The following CR1 variants were observed in gnomAD, a reference collection of about 807,000 sequenced individuals.
The protein encoded by CR1 is complement C3b/C4b receptor 1 (Knops blood group), also known as complement receptor type 1.
In CR1, 116 loss-of-function variants were observed where a neutral mutation model predicts 187.3. That is an observed-to-expected ratio of 0.62 (90% CI 0.53 to 0.72). CR1 has a LOEUF of 0.72. CR1 is among the 30% of genes least tolerant of loss of function. CR1 has a pLI of 0.00. For synonymous variants in CR1, 576 were observed against 747.1 expected (o/e 0.77, Z 3.73); for missense variants, 1,731 against 2,110.7 (o/e 0.82, Z 3.52).
chr1:207,630,626 CTA>C lies in CR1; in HGVS notation c.7457+10_7457+11del, dbSNP rs756680947. The C allele has an allele frequency of 6.4e-7, 1 of 1,558,150 alleles. No homozygotes were observed. Among genetic ancestry groups the C allele is most frequent in the Non-Finnish European group, 8.7e-7 (1 of 1,151,010 alleles). On this transcript the variant is annotated splice_donor_region_variant and intron_variant, in intron 46 of 46. Coordinates refer to ENST00000367049, the MANE Select transcript of CR1 (RefSeq NM_000651.6). ...AACAAATGAAGAAAATAGCAGGTAC[CTA>C]TATACATACTGAATTCAAAATGTTT... is the stretch of plus-strand genomic sequence containing the variant.
chr1:207,633,400 A>G (rs1410482702), intron 46 of CR1, among the ~76,000 whole-genome samples: 1 of 152,234 alleles, frequency 6.6e-6, no homozygotes, highest in Non-Finnish European at 1.5e-5. Context: ...ACATTTGCAT[A>G]TACACCTTGA....
intron 5 of CR1, among the ~76,000 whole-genome samples, chr1:207,524,678 G>A (rs190637433): frequency 7.9e-5 from 12 of 152,026 alleles, no homozygotes; most frequent in Admixed American, 7.2e-4. Context: ...ATGAGCCACC[G>A]TGCCCGGCCT....
intron 43 of CR1, among the ~76,000 whole-genome samples, chr1:207,620,286 A>T (rs1662276999): frequency 6.6e-6 from 1 of 152,142 alleles, no homozygotes; most frequent in South Asian, 2.1e-4. Context: ...TTTTGTCTAT[A>T]TCACTTTGTG....
chr1:207,612,580 C>T (rs1346455292), intron 39 of CR1, among the ~76,000 whole-genome samples: 2 of 152,230 alleles, frequency 1.3e-5, no homozygotes, highest in Non-Finnish European at 2.9e-5. Flanking sequence ...GACTTCTGGA[C>T]AGCAATGCCC....
chr1:207,577,875 C>T lies in CR1; in HGVS notation c.4608C>T (p.His1536=). The change falls in exon 29 of 47, where the codon CAC becomes CAT. Residue 1536 remains histidine (H), a synonymous_variant. Coordinates refer to ENST00000367049, the MANE Select transcript of CR1 (RefSeq NM_000651.6). ...DFISTNRENF[H]YGSVVTYRCN... is the part of the protein sequence containing the mutation. Reference sequence around the variant, plus strand: ...TTAGCACCAACAGAGAGAATTTTCACTATGGATCAGTGGTGACCTACCGCT... The same window carrying T: ...TTAGCACCAACAGAGAGAATTTTCATTATGGATCAGTGGTGACCTACCGCT... 1 of 1,613,750 alleles carries T rather than the reference C, an allele frequency of 6.2e-7. No homozygotes were observed. Among genetic ancestry groups the T allele is most frequent in the Non-Finnish European group, 8.5e-7 (1 of 1,179,854 alleles).
chr1:207,581,800 T>C (rs1010246730), intron 31 of CR1, 118 bp from the exon 32 acceptor site: 1 of 652,704 alleles, frequency 1.5e-6, no homozygotes, highest in South Asian at 1.9e-5. Context: ...ACCTGTGCTT[T>C]AGCTTGAGCA....
At chr1:207,618,530 C>T (rs565215735) in intron 42 of CR1, among the ~76,000 whole-genome samples, 1 of 152,088 alleles carries the variant, frequency 6.6e-6, no homozygotes, top group African/African-American at 2.4e-5. Context: ...AAAGTGGGGT[C>T]AAAAGTCTAT....
Position 207,593,084 on chromosome 1 carries a change from CAAAAAAA to C in CR1, c.5810+4323_5810+4329del, listed in dbSNP as rs57700679. The stretch of plus-strand genomic sequence containing the variant: ...ACCAATGGCTTTCTTCACAGAATTA[CAAAAAAA>C]AAAAAAAAAAAACTACTTTAAACTT... On this transcript the variant is annotated intron_variant, in intron 35 of 46. Coordinates refer to ENST00000367049, the MANE Select transcript of CR1 (RefSeq NM_000651.6). Among the ~76,000 whole-genome samples the C allele has an allele frequency of 7.9e-4, 66 of 83,114 alleles. No homozygotes were observed. In the East Asian group the frequency reaches 0.019, roughly 24 times the overall value. The allele number at this position is 83,114 out of a possible 152,430, so 54.5% of individuals were successfully genotyped here.
chr1:207,525,629 A>G (rs1205340114), intron 5 of CR1, among the ~76,000 whole-genome samples: 5 of 152,026 alleles, frequency 3.3e-5, no homozygotes. Flanking sequence ...TATGCCTCCA[A>G]TTGGCAGAAC....
chr1:207,579,716 G>T (rs1304109501), intron 29 of CR1, among the ~76,000 whole-genome samples: 1 of 152,198 alleles, frequency 6.6e-6, no homozygotes, highest in Non-Finnish European at 1.5e-5. Flanking sequence ...GAACCCTTAT[G>T]TTGCTGACTC....
chr1:207,544,769 C>A (rs1660264474), intron 13 of CR1, among the ~76,000 whole-genome samples: 1 of 147,170 alleles, frequency 6.8e-6, no homozygotes, highest in African/African-American at 2.7e-5. Context: ...ACCCATAGTT[C>A]TTTACCACCC....
At chr1:207,606,679 T>G (rs1259481080) in intron 35 of CR1, 1 of 152,218 alleles carries the variant, frequency 6.6e-6, no homozygotes, top group Non-Finnish European at 1.5e-5. Context: ...TTCTACGTTT[T>G]GTGGCCTACT....
In CR1 at chr1:207,619,996, G is replaced by A; in HGVS notation, c.7183G>A (p.Glu2395Lys). Residue 2395 changes from glutamate to lysine, a missense_variant, in exon 43 of 47, where the codon GAA becomes AAA. Transcript: ENST00000367049. ...GAAGTGTGAAGATGGGTATACTCTG[G>A]AAGGCAGTCCCTGGAGCCAGTGCCA... Reference protein sequence around the residue: ...TLKCEDGYTLEGSPWSQCQAD... With the variant: ...TLKCEDGYTLKGSPWSQCQAD... 2 of 1,613,828 alleles carry A rather than the reference G, an allele frequency of 1.2e-6. No homozygotes were observed. Among genetic ancestry groups the A allele is most frequent in the Non-Finnish European group, 8.5e-7 (1 of 1,179,844 alleles).
chr1:207,526,186 A>G (rs1265752986), intron 5 of CR1, among the ~76,000 whole-genome samples: 1 of 152,046 alleles, frequency 6.6e-6, no homozygotes, highest in Non-Finnish European at 1.5e-5. Context: ...ACCTTGCTAC[A>G]TAGCATGAGG....
chr1:207,636,509 T>C (rs1202962026), intron 46 of CR1, among the ~76,000 whole-genome samples: 1 of 152,214 alleles, frequency 6.6e-6, no homozygotes, highest in Non-Finnish European at 1.5e-5. Context: ...TTCATAAGCC[T>C]GTCTCCCATC....
At chr1:207,556,655 A>ATATG (rs1660355000) in intron 19 of CR1, among the ~76,000 whole-genome samples, 1 of 64,818 alleles carries the variant, frequency 1.5e-5, no homozygotes, top group South Asian at 8.5e-4. Flanking sequence ...TATCATATAT[A>ATATG]TATATATATA....
intron 4 of CR1, among the ~76,000 whole-genome samples, chr1:207,514,595 T>A (rs548159727): frequency 1.3e-5 from 2 of 152,276 alleles, no homozygotes; most frequent in African/African-American, 4.8e-5. Flanking sequence ...AGAAATAAAT[T>A]TCTGTTGTGT....
chr1:207,580,133 G>T, intron 29 of CR1, 107 bp from the exon 30 acceptor site: 1 of 1,486,604 alleles, frequency 6.7e-7, no homozygotes, highest in Non-Finnish European at 9.1e-7. Flanking sequence ...CTTGTGCTAG[G>T]GAGAATTGGG....
intron 35 of CR1, among the ~76,000 whole-genome samples, chr1:207,593,440 T>C (rs593518): frequency 0.99 from 150,144 of 152,346 alleles, 74,002 homozygotes; most frequent in Middle Eastern, 1. Flanking sequence ...TTCCTTTACA[T>C]CTTATACAAA....
Sources: allele counts gnomAD v4.1 joint callset (sites outside exome capture counted in the v4.1 genomes callset), GRCh38; gene constraint gnomAD v4.1.1; transcripts MANE v1.5; gene names NCBI Gene and HGNC (gene_info 2026-07-23, HGNC 2026-07-21).